The following NEK6 variants were observed in gnomAD, a reference collection of about 807,000 sequenced individuals.
The protein encoded by NEK6 is NIMA related kinase 6.
Under a neutral mutation model 43.5 loss-of-function variants are expected in NEK6, and 27 were observed. The ratio of observed to expected loss-of-function variants is 0.62; its 90% CI spans 0.46 to 0.86. NEK6 has a LOEUF of 0.86. Among genes scored for constraint, NEK6 ranks in the 40% least tolerant of loss-of-function variants. NEK6 has a pLI of 0.00. For synonymous variants in NEK6, 167 were observed against 164.1 expected (o/e 1.02, Z -0.14); for missense variants, 318 against 414.4 (o/e 0.77, Z 2.02).
At chr9:124,319,655 T>C (rs543144586) in intron 4 of NEK6, among the ~76,000 whole-genome samples, 19 of 152,344 alleles carry the variant, frequency 1.2e-4, no homozygotes, top group African/African-American at 4.3e-4. Context: ...GGGGTTCCGT[T>C]TCATTCTTCT....
chr9:124,262,628 C>A (rs543841090), intron 1 of NEK6, among the ~76,000 whole-genome samples: 20 of 152,344 alleles, frequency 1.3e-4, no homozygotes, highest in Middle Eastern at 6.8e-3. Flanking sequence ...CTGGCCACCA[C>A]CGCTGTAGCT....
chr9:124,257,705 A>G (rs1051163175), upstream of NEK6: 39 of 1,532,816 alleles, frequency 2.5e-5, no homozygotes, highest in Non-Finnish European at 3.3e-5. Flanking sequence ...AGATGGGGAG[A>G]CGCCGGCCTG....
intron 1 of NEK6, among the ~76,000 whole-genome samples, chr9:124,274,764 G>A (rs1831585597): frequency 6.6e-6 from 1 of 152,158 alleles, no homozygotes; most frequent in South Asian, 2.1e-4. Context: ...TGAGAATGAG[G>A]GAGGGAGGTT....
chr9:124,333,773 CTTTTTTTTTTTTTT>C (rs148074227), intron 7 of NEK6, among the ~76,000 whole-genome samples: 2 of 120,018 alleles, frequency 1.7e-5, no homozygotes, highest in Non-Finnish European at 3.4e-5. Context: ...CATTTCAGTC[CTTTTTTTTTTTTTT>C]TTTTTTTTGA....
At chr9:124,260,248 T>C (rs1231171176) in intron 1 of NEK6, among the ~76,000 whole-genome samples, 1 of 152,172 alleles carries the variant, frequency 6.6e-6, no homozygotes, top group Non-Finnish European at 1.5e-5. Context: ...CTGAGTACTT[T>C]AGCACACATC....
At chr9:124,321,833 C>CA (rs1834080696) in intron 5 of NEK6, among the ~76,000 whole-genome samples, 1 of 152,202 alleles carries the variant, frequency 6.6e-6, no homozygotes, top group Admixed American at 6.5e-5. Context: ...AGCCCATATG[C>CA]AAAAGCAAGG....
At chr9:124,257,917 GGGC>G, upstream of NEK6, 1 of 967,796 alleles carries the variant, frequency 1.0e-6, no homozygotes, top group Non-Finnish European at 1.2e-6. Context: ...CGGCGGGGAG[GGGC>G]GGGCGCGCGG....
At chr9:124,283,400 C>T (rs1022876790) in intron 1 of NEK6, among the ~76,000 whole-genome samples, 3 of 152,192 alleles carry the variant, frequency 2.0e-5, no homozygotes, top group African/African-American at 4.8e-5. Context: ...CTGAGACGAC[C>T]GGGCAGGGGT....
intron 1 of NEK6, among the ~76,000 whole-genome samples, chr9:124,270,178 T>C (rs149643810): frequency 3.5e-4 from 54 of 152,242 alleles, no homozygotes; most frequent in African/African-American, 1.3e-3. Context: ...GTTACTTCTC[T>C]GTGCCCTGGA....
rs1360334124 is a variant in NEK6 at position 124,275,510 on chromosome 9, G to A, written c.-30+17425G>A. Among the ~76,000 whole-genome samples, 1 of 152,158 alleles carries A rather than the reference G, an allele frequency of 6.6e-6. No individual in the cohort carries two copies. Among genetic ancestry groups the A allele is most frequent in the African/African-American group, 2.4e-5 (1 of 41,430 alleles). ...GCCAGGCGGAGCTCCTGGTTCTCTGGGTCTGTAATGCTTTCCTTCTCACTT... is the reference window on the plus strand; with the variant it reads ...GCCAGGCGGAGCTCCTGGTTCTCTGAGTCTGTAATGCTTTCCTTCTCACTT... On this transcript the variant is annotated intron_variant, in intron 1 of 9. Coordinates refer to ENST00000320246, the MANE Select transcript of NEK6 (RefSeq NM_014397.6). The surrounding 1 kb of genome is among the most constrained non-coding windows in gnomAD (Gnocchi z 4.4).
chr9:124,349,759 C>T (rs1255288849), intron 9 of NEK6, among the ~76,000 whole-genome samples: 3 of 152,164 alleles, frequency 2.0e-5, no homozygotes, highest in Admixed American at 1.3e-4. Flanking sequence ...TACCTTCCCC[C>T]GAATATTGTA....
At chr9:124,290,799 T>C (rs1588466123) in intron 1 of NEK6, among the ~76,000 whole-genome samples, 1 of 152,360 alleles carries the variant, frequency 6.6e-6, no homozygotes, top group Middle Eastern at 3.4e-3. Flanking sequence ...TCAGGTTTTC[T>C]ACCTGTTGTC....
chr9:124,287,206 C>G (rs115635802), intron 1 of NEK6, among the ~76,000 whole-genome samples: 1 of 152,154 alleles, frequency 6.6e-6, no homozygotes, highest in Non-Finnish European at 1.5e-5. Context: ...AGACAAGACT[C>G]GAACCCAGGA....
At chr9:124,333,458 G>A (rs1588530263) in intron 7 of NEK6, among the ~76,000 whole-genome samples, 3 of 152,176 alleles carry the variant, frequency 2.0e-5, no homozygotes, top group Non-Finnish European at 4.4e-5. Context: ...CGGGAGGCAG[G>A]GACCTGAGGA....
intron 7 of NEK6, among the ~76,000 whole-genome samples, chr9:124,338,604 T>A (rs990554254): frequency 6.6e-6 from 1 of 152,222 alleles, no homozygotes; most frequent in African/African-American, 2.4e-5. Context: ...GCCTTTTCCA[T>A]CCTGTTTAAG....
intron 1 of NEK6, among the ~76,000 whole-genome samples, chr9:124,260,162 C>A (rs974433459): frequency 6.6e-6 from 1 of 152,098 alleles, no homozygotes; most frequent in Admixed American, 6.5e-5. Flanking sequence ...AGTCACCTGC[C>A]CAGCCTCACA....
intron 8 of NEK6, among the ~76,000 whole-genome samples, chr9:124,342,906 G>T (rs946823487): frequency 1.3e-5 from 2 of 152,210 alleles, no homozygotes; most frequent in Non-Finnish European, 2.9e-5. Flanking sequence ...GGGGCCGGGA[G>T]GCCAGCAGCT....
In NEK6 at chr9:124,324,150, C is replaced by T. The variant is rs539455657; in HGVS notation, c.406-2180C>T. The stretch of plus-strand genomic sequence containing the variant: ...GGAGGCCTGGCAGTGCAGAGACCCA[C>T]TCGAGTAAGACACGTCCCCTGGATG... On this transcript the variant is annotated intron_variant, in intron 5 of 9. Transcript: ENST00000320246. This position sits in a 1 kb window ranked among gnomAD's most constrained non-coding sequence, Gnocchi z 5.3. Among the ~76,000 whole-genome samples the T allele has an allele frequency of 1.8e-4, 27 of 152,236 alleles. No individual in the cohort carries two copies. Among genetic ancestry groups the T allele is most frequent in the Non-Finnish European group, 3.2e-4 (22 of 68,048 alleles).
At chr9:124,347,939 G>A in intron 9 of NEK6, 117 bp downstream of exon 9, 1 of 601,068 alleles carries the variant, frequency 1.7e-6, no homozygotes, top group Non-Finnish European at 3.0e-6. Flanking sequence ...ACACGGTGCA[G>A]AAAGGGAGCT....
Sources: allele counts gnomAD v4.1 joint callset (sites outside exome capture counted in the v4.1 genomes callset), GRCh38; gene constraint gnomAD v4.1.1; non-coding constraint Gnocchi (gnomAD v3.1); transcripts MANE v1.5; gene names NCBI Gene and HGNC (gene_info 2026-07-23, HGNC 2026-07-21).